VPS53: variants seen among roughly 807,000 people sequenced by gnomAD.
The protein encoded by VPS53 is vacuolar protein sorting-associated protein 53 homolog.
In VPS53, 70 loss-of-function variants were observed where a neutral mutation model predicts 107.0. The observed-to-expected ratio is 0.65, with a 90% CI of 0.54 to 0.80. The LOEUF (loss-of-function observed/expected upper bound fraction) is 0.80, where lower values mean the gene tolerates loss of function less well. Ranked by LOEUF, VPS53 falls within the 30% of genes least tolerant of loss-of-function variation. The probability of loss-of-function intolerance (pLI) is 0.00; values close to 1 mark genes in which losing one functional copy is unlikely to be tolerated. For missense variants in VPS53, 917 were observed against 1,049.4 expected, an observed-to-expected ratio of 0.87 and a Z score of 1.74; for synonymous variants, 409 against 393.3, an observed-to-expected ratio of 1.04 and a Z score of -0.47.
At chr17:648,788 G>A (rs548148428) in intron 7 of VPS53, among the ~76,000 whole-genome samples, 1 of 135,062 alleles carries the variant, frequency 7.4e-6, no homozygotes, top group East Asian at 2.5e-4. Flanking sequence ...TTACACTGGA[G>A]GACAGAGGAA....
chr17:603,261 T>TA (rs1968407263), intron 11 of VPS53, among the ~76,000 whole-genome samples: 1 of 152,052 alleles, frequency 6.6e-6, no homozygotes, highest in Non-Finnish European at 1.5e-5. Flanking sequence ...CTGTCTCTAC[T>TA]AAAAATACCA....
chr17:663,814 CAA>C (rs879661570), intron 4 of VPS53, among the ~76,000 whole-genome samples: 15,004 of 152,146 alleles, frequency 0.099, 827 homozygotes, highest in East Asian at 0.21. Flanking sequence ...ATTGGGAATC[CAA>C]TGGTAAACAA....
At chr17:700,634 TAAC>T (rs768511114) in intron 2 of VPS53, among the ~76,000 whole-genome samples, 3 of 152,204 alleles carry the variant, frequency 2.0e-5, no homozygotes, top group African/African-American at 4.8e-5. Flanking sequence ...AAGCTTATTA[TAAC>T]AACAATTAAA....
At chr17:526,208 C>T (rs1322516594) in intron 19 of VPS53, among the ~76,000 whole-genome samples, 2 of 151,754 alleles carry the variant, frequency 1.3e-5, no homozygotes, top group African/African-American at 4.8e-5. Context: ...CATGTCTTAG[C>T]ATTCATTTGT....
At chr17:642,866 G>A (rs1401344754) in intron 7 of VPS53, among the ~76,000 whole-genome samples, 1 of 148,100 alleles carries the variant, frequency 6.8e-6, no homozygotes, top group Admixed American at 6.7e-5. Flanking sequence ...CTCATACTTG[G>A]AAATCGAGGA....
chr17:650,454 G>A (rs1009927538), intron 7 of VPS53, among the ~76,000 whole-genome samples: 2 of 152,006 alleles, frequency 1.3e-5, no homozygotes, highest in South Asian at 2.1e-4. Flanking sequence ...CTATGACCAC[G>A]CCACTGCACT....
chr17:662,064 T>C (rs1445525375), intron 4 of VPS53, among the ~76,000 whole-genome samples, 169 bp from the exon 5 acceptor site: 1 of 152,158 alleles, frequency 6.6e-6, no homozygotes, highest in Non-Finnish European at 1.5e-5. Context: ...TAGAGTCCAG[T>C]GGCTGCGAAC....
intron 2 of VPS53, among the ~76,000 whole-genome samples, chr17:704,629 A>G (rs144608661): frequency 7.4e-4 from 112 of 152,320 alleles, no homozygotes; most frequent in African/African-American, 2.6e-3. Context: ...TAGAGAAGTA[A>G]AGATAACCCT....
At chr17:633,556 CTG>C (rs1970051448) in intron 7 of VPS53, among the ~76,000 whole-genome samples, 1 of 152,112 alleles carries the variant, frequency 6.6e-6, no homozygotes, top group South Asian at 2.1e-4. Context: ...CCAAAACAAT[CTG>C]TTTTTTCCGT....
In VPS53 at chr17:676,869, C is replaced by T. The variant is rs1209508032; in HGVS notation, c.286-14974G>A. On this transcript the variant is annotated intron_variant, in intron 4 of 21. Transcript: ENST00000437048. ...GGTTTTTTTTTTTTGTGGGAGAGAA[C>T]ATCTCCATGAGTAGGCACTACATAC... 2.0e-5 allele frequency among the ~76,000 whole-genome samples: 3 copies of T among 148,812 alleles called. No individual in the cohort carries two copies. In the Admixed American group the frequency reaches 2.0e-4, roughly 10 times the overall value.
At chr17:549,208 A>G (rs926229843) in intron 17 of VPS53, among the ~76,000 whole-genome samples, 2 of 152,240 alleles carry the variant, frequency 1.3e-5, no homozygotes, top group East Asian at 3.9e-4. Context: ...CCATTATCAC[A>G]AAAGTTTTTT....
chr17:704,118 T>C (rs1973314289), intron 2 of VPS53, among the ~76,000 whole-genome samples: 1 of 152,222 alleles, frequency 6.6e-6, no homozygotes, highest in Admixed American at 6.5e-5. Flanking sequence ...TCCATAAATT[T>C]CATTTAGTTT....
At chr17:533,137 T>A in intron 18 of VPS53, 1 of 641,200 alleles carries the variant, frequency 1.6e-6, no homozygotes, top group Non-Finnish European at 2.6e-6. Context: ...CATCCTAGAC[T>A]CCCAGTGAAC....
chr17:530,712 G>A (rs1909474149), intron 19 of VPS53, among the ~76,000 whole-genome samples: 1 of 152,144 alleles, frequency 6.6e-6, no homozygotes, highest in Admixed American at 6.6e-5. Flanking sequence ...GGTGAACGCA[G>A]TCATAAGAAT....
intron 18 of VPS53, among the ~76,000 whole-genome samples, chr17:533,483 G>A (rs190064766): frequency 1.3e-5 from 2 of 152,238 alleles, no homozygotes; most frequent in East Asian, 3.9e-4. Context: ...ACCCAACTGA[G>A]CCACTTGCAG....
Position 628,370 on chromosome 17 carries a change from T to C in VPS53, c.688-139A>G, listed in dbSNP as rs144740784. The stretch of plus-strand genomic sequence containing the variant: ...TCACACTCATTCTTTCTGCTGTGGC[T>C]GGATCTGTCAGTTACCTGCTGCTCC... On this transcript the variant is annotated intron_variant, in intron 8 of 21. Transcript: ENST00000437048. 7.5e-6 allele frequency: 8 copies of C among 1,061,702 alleles called. No homozygotes were observed. The Admixed American group carries it at 2.6e-4, about 34-fold the overall frequency. 65.8% of individuals were successfully genotyped at this position (1,061,702 alleles called of 1,614,324 possible).
intron 15 of VPS53, among the ~76,000 whole-genome samples, chr17:554,591 C>T (rs527312659): frequency 8.5e-5 from 13 of 152,222 alleles, no homozygotes; most frequent in African/African-American, 2.6e-4. Context: ...TTAGTAGAGA[C>T]GGGGTTTCAC....
At chr17:578,365 G>A (rs371747899) in intron 13 of VPS53, among the ~76,000 whole-genome samples, 1 of 149,956 alleles carries the variant, frequency 6.7e-6, no homozygotes, top group African/African-American at 2.5e-5. Context: ...AACCTAATGC[G>A]TTCCTAGAGA....
chr17:666,249 A>G (rs1971679361), intron 4 of VPS53, among the ~76,000 whole-genome samples: 5 of 152,366 alleles, frequency 3.3e-5, no homozygotes, highest in Admixed American at 3.3e-4. Context: ...AAAAAAAAGC[A>G]GAGATGCAGA....
Sources: allele counts gnomAD v4.1 joint callset (sites outside exome capture counted in the v4.1 genomes callset), GRCh38; gene constraint gnomAD v4.1.1; transcripts MANE v1.5; gene names NCBI Gene and HGNC (gene_info 2026-07-23, HGNC 2026-07-21).